The following FAM76B variants were observed in gnomAD, a reference collection of about 807,000 sequenced individuals.
FAM76B encodes the protein family with sequence similarity 76 member B, also known as protein FAM76B.
A neutral mutation model predicts 51.8 loss-of-function variants in FAM76B; 16 were observed. The ratio of observed to expected loss-of-function variants is 0.31; its 90% CI spans 0.21 to 0.47. The LOEUF (loss-of-function observed/expected upper bound fraction) is 0.47. FAM76B is among the 20% of genes least tolerant of loss of function. The pLI is 1.00. For missense variants in FAM76B, 342 were observed against 392.6 expected, an observed-to-expected ratio of 0.87 and a Z score of 1.09; for synonymous variants, 166 against 129.5, an observed-to-expected ratio of 1.28 and a Z score of -1.91.
At chr11:95,771,997 A>T (rs1859786997) in intron 9 of FAM76B, among the ~76,000 whole-genome samples, 1 of 151,178 alleles carries the variant, frequency 6.6e-6, no homozygotes, top group Admixed American at 6.6e-5. Flanking sequence ...AAAAACATGA[A>T]AACTATGAAA....
In FAM76B at chr11:95,774,205, C is replaced by CA. The variant is rs958478450; in HGVS notation, c.930+1716dup. On this transcript the variant is annotated intron_variant, in intron 9 of 9. Coordinates refer to ENST00000358780, the MANE Select transcript of FAM76B (RefSeq NM_144664.5). ...GTATAGATAAACTGGAGTGAGAAGA[C>CA]AGAGATTTCTACGTCACCGCTTACT... Among the ~76,000 whole-genome samples the CA allele has an allele frequency of 1.3e-4, 19 of 151,458 alleles. No homozygotes were observed. The South Asian group carries it at 3.1e-3, about 25-fold the overall frequency.
chr11:95,773,562 A>G (rs1859865491), intron 9 of FAM76B, among the ~76,000 whole-genome samples: 1 of 151,168 alleles, frequency 6.6e-6, no homozygotes, highest in Non-Finnish European at 1.5e-5. Context: ...CAGGATTAAG[A>G]ATTACATAGA....
chr11:95,788,771 C>T, intron 1 of FAM76B: 2 of 1,425,926 alleles, frequency 1.4e-6, no homozygotes, highest in Non-Finnish European at 9.4e-7. Flanking sequence ...CTTTAGTAGA[C>T]GTGGGGGTAT....
intron 9 of FAM76B, 40 bp downstream of exon 9, chr11:95,775,882 C>A (rs1221633546): frequency 2.2e-6 from 3 of 1,375,098 alleles, no homozygotes; most frequent in Middle Eastern, 2.1e-4. Flanking sequence ...TCAAGTTTAG[C>A]CCTTCTTGCC....
At position 95,771,556 on chromosome 11, in the gene FAM76B, C is replaced by T. The variant is rs1330889024; in HGVS notation, c.*5G>A. 4.4e-6 allele frequency: 7 copies of T among 1,599,618 alleles called. No individual in the cohort carries two copies. Among genetic ancestry groups the T allele is most frequent in the Non-Finnish European group, 6.0e-6 (7 of 1,169,922 alleles). ...GTAAGAAGAAATGCTAAACAAATGA[C>T]TTTCTCAAGGAGATGTTAGTATGCT... On this transcript the variant is annotated 3_prime_UTR_variant, in exon 10 of 10. Coordinates refer to ENST00000358780, the MANE Select transcript of FAM76B (RefSeq NM_144664.5).
At chr11:95,784,263 A>G (rs1860430832) in intron 4 of FAM76B, among the ~76,000 whole-genome samples, 1 of 152,118 alleles carries the variant, frequency 6.6e-6, no homozygotes, top group Non-Finnish European at 1.5e-5. Flanking sequence ...CACTGAGGGG[A>G]ACAACACACA....
intron 4 of FAM76B, among the ~76,000 whole-genome samples, chr11:95,785,803 C>G (rs1333718484): frequency 1.3e-5 from 2 of 152,068 alleles, no homozygotes; most frequent in East Asian, 3.9e-4. Flanking sequence ...TTTTTCACAC[C>G]AGTGATGTCA....
chr11:95,779,619 G>C lies in FAM76B; in HGVS notation c.680C>G (p.Ser227Cys). 6.2e-7 allele frequency: 1 copy of C among 1,609,112 alleles called. No homozygotes were observed. The highest frequency in any genetic ancestry group is 8.5e-7 in the Non-Finnish European group (1 of 1,177,468). ...KKKPKLESKP[S>C]NGDSSSINQS... is the part of the protein sequence containing the mutation. ...AATTCATTTTTACCTATCTCCATTA[G>C]ATGGCTTAGATTCCAATTTGGGCTT... The change falls in exon 7 of 10, where the codon TCT becomes TGT. Residue 227 changes from serine (S) to cysteine (C), a missense_variant. By Grantham distance (112) the Ser-to-Cys change is moderately radical. This residue lies in a region of FAM76B where 230 missense variants were observed against 257.4 expected (regional missense o/e 0.89). Coordinates refer to ENST00000358780, the MANE Select transcript of FAM76B (RefSeq NM_144664.5).
intron 7 of FAM76B, chr11:95,779,254 T>C: frequency 1.3e-6 from 1 of 773,336 alleles, no homozygotes; most frequent in Non-Finnish European, 2.0e-6. Context: ...TAAAACAAAG[T>C]AACGCTCATA....
chr11:95,789,448 T>C lies in FAM76B; in HGVS notation c.31A>G (p.Lys11Glu). The C allele has an allele frequency of 6.2e-7, 1 of 1,609,628 alleles. No homozygotes were observed. Among genetic ancestry groups the C allele is most frequent in the Non-Finnish European group, 8.5e-7 (1 of 1,178,208 alleles). The change falls in exon 1 of 10, where the codon AAG (lysine) becomes GAG (glutamate). Residue 11 changes from lysine (K) to glutamate (E), a missense_variant. By Grantham distance (56) the Lys-to-Glu change is moderately conservative. Around this residue, in one of 3 missense-constraint regions of FAM76B, gnomAD observed 96 missense variants for 94.7 expected, o/e 1.01. Transcript: ENST00000358780. MAASALYACT[K>E]CTQRYPFEEL... ...TCGAAAGGATAACGCTGGGTACACT[T>C]GGTGCAGGCGTACAGGGCCGAGGCC...
At position 95,769,005 on chromosome 11, in the gene FAM76B, A is replaced by G. The variant is rs1202315056; in HGVS notation, c.*2556T>C. Reference sequence around the variant, plus strand: ...TATTGGATCTAGAAAAAAGTACAAAATGTCAACAGTCAGATGTGTACAAGT... The same window carrying G: ...TATTGGATCTAGAAAAAAGTACAAAGTGTCAACAGTCAGATGTGTACAAGT... On this transcript the variant is annotated 3_prime_UTR_variant, in exon 10 of 10. Transcript: ENST00000358780. 6.6e-6 allele frequency: 1 copy of G among 152,476 alleles called. No individual in the cohort carries two copies. The highest frequency in any genetic ancestry group is 1.5e-5 in the Non-Finnish European group (1 of 67,920). The allele number at this position is 152,476 out of a possible 1,614,324, so 9.4% of individuals were successfully genotyped here. A position where few individuals can be genotyped will look rare whatever the true frequency, so the allele number is the denominator to read the frequency against.
chr11:95,781,589 A>G (rs369991679), intron 5 of FAM76B, among the ~76,000 whole-genome samples: 6 of 152,244 alleles, frequency 3.9e-5, no homozygotes, highest in African/African-American at 1.4e-4. Context: ...AGACAAATTT[A>G]TCTGTAAAGA....
chr11:95,780,447 T>G (rs933147475), intron 5 of FAM76B, among the ~76,000 whole-genome samples: 1 of 151,994 alleles, frequency 6.6e-6, no homozygotes, highest in Non-Finnish European at 1.5e-5. Flanking sequence ...AGAGCTCTCT[T>G]TAGTTAGTAT....
At position 95,770,372 on chromosome 11, in the gene FAM76B, T is replaced by C. The variant is rs1342257624; in HGVS notation, c.*1189A>G. The C allele has an allele frequency of 6.6e-6, 1 of 151,866 alleles. No individual in the cohort carries two copies. Among genetic ancestry groups the C allele is most frequent in the Non-Finnish European group, 1.5e-5 (1 of 67,524 alleles). The allele number at this position is 151,866 out of a possible 1,614,324, so 9.4% of individuals were successfully genotyped here. A position where few individuals can be genotyped will look rare whatever the true frequency, so the allele number is the denominator to read the frequency against. Reference sequence around the variant, plus strand: ...ATTATCACAGATTGGATTAAAAAGATCATTTAATTTTTTTCAGATTTGCTT... The same window carrying C: ...ATTATCACAGATTGGATTAAAAAGACCATTTAATTTTTTTCAGATTTGCTT... On this transcript the variant is annotated 3_prime_UTR_variant, in exon 10 of 10. Coordinates refer to ENST00000358780, the MANE Select transcript of FAM76B (RefSeq NM_144664.5).
chr11:95,770,742 T>C lies in FAM76B; in HGVS notation c.*819A>G, dbSNP rs2120163823. ...CTAAATGTAATCTCAAACATTTTAC[T>C]AGCAACTTTGATTTCCTTTTGAAAT... On this transcript the variant is annotated 3_prime_UTR_variant, in exon 10 of 10. Coordinates refer to ENST00000358780, the MANE Select transcript of FAM76B (RefSeq NM_144664.5). 1 of 151,892 alleles carries C rather than the reference T, an allele frequency of 6.6e-6. No homozygotes were observed. Among genetic ancestry groups the C allele is most frequent in the East Asian group, 1.9e-4 (1 of 5,180 alleles). The allele number at this position is 151,892 out of a possible 1,614,324, so 9.4% of individuals were successfully genotyped here.
intron 1 of FAM76B, chr11:95,789,167 C>T (rs1033413757): frequency 1.8e-6 from 2 of 1,081,976 alleles, no homozygotes; most frequent in Non-Finnish European, 2.6e-6. Context: ...CCGGCACCCT[C>T]CTGGGCCGCC....
At chr11:95,785,536 T>C (rs1324387299) in intron 4 of FAM76B, among the ~76,000 whole-genome samples, 1 of 152,206 alleles carries the variant, frequency 6.6e-6, no homozygotes, top group Admixed American at 6.5e-5. Context: ...TGTCTTATAA[T>C]GGGATATGTA....
Position 95,771,491 on chromosome 11 carries a change from T to G in FAM76B, c.*70A>C. On this transcript the variant is annotated 3_prime_UTR_variant, in exon 10 of 10. Transcript: ENST00000358780. The stretch of plus-strand genomic sequence containing the variant: ...AAAATATTTTTCTACTACACAGAAT[T>G]TAAGGGCTTCACAGAATTTTTTTTC... 1 of 1,270,170 alleles carries G rather than the reference T, an allele frequency of 7.9e-7. No homozygotes were observed. The highest frequency in any genetic ancestry group is 1.3e-5 in the South Asian group (1 of 79,800). The allele number at this position is 1,270,170 out of a possible 1,614,324, so 78.7% of individuals were successfully genotyped here. A position where few individuals can be genotyped will look rare whatever the true frequency, so the allele number is the denominator to read the frequency against.
At chr11:95,779,494 A>C in intron 7 of FAM76B, 113 bp downstream of exon 7, 1 of 942,384 alleles carries the variant, frequency 1.1e-6, no homozygotes, top group Non-Finnish European at 1.5e-6. Context: ...TAGGTGACTC[A>C]AGTCAATGTA....
Sources: gnomAD v4.1 joint callset for allele counts (sites outside exome capture counted in the v4.1 genomes callset) on GRCh38, gnomAD v4.1.1 for gene constraint, gnomAD v4.1.1 regional missense constraint, MANE v1.5 for transcripts, NCBI Gene and HGNC (gene_info 2026-07-23, HGNC 2026-07-21) for gene names.